The following TRABD2B variants were observed in gnomAD, a reference collection of about 807,000 sequenced individuals.
TRABD2B encodes the protein TraB domain containing 2B, also known as metalloprotease TIKI2.
TRABD2B carries 14 observed loss-of-function variants against 40.1 expected under a neutral mutation model. The observed-to-expected ratio is 0.35, with a 90% CI of 0.23 to 0.55. The LOEUF (loss-of-function observed/expected upper bound fraction) is 0.55, where lower values mean the gene tolerates loss of function less well. Ranked by LOEUF, TRABD2B falls within the 20% of genes least tolerant of loss-of-function variation. TRABD2B has a pLI of 0.90. For missense variants in TRABD2B, 541 were observed against 648.6 expected, an observed-to-expected ratio of 0.83 and a Z score of 1.80; for synonymous variants, 263 against 277.0, an observed-to-expected ratio of 0.95 and a Z score of 0.50.
intron 2 of TRABD2B, among the ~76,000 whole-genome samples, chr1:47,810,734 G>A (rs969585532): frequency 2.6e-5 from 4 of 152,210 alleles, no homozygotes; most frequent in Non-Finnish European, 5.9e-5. Flanking sequence ...AGTAGCTGCA[G>A]GGGGAAGCTT....
At chr1:47,797,673 A>G (rs1297166242) in intron 3 of TRABD2B, among the ~76,000 whole-genome samples, 1 of 152,066 alleles carries the variant, frequency 6.6e-6, no homozygotes, top group African/African-American at 2.4e-5. Flanking sequence ...CATTCTCTGC[A>G]TGTTTCATGC....
intron 4 of TRABD2B, among the ~76,000 whole-genome samples, chr1:47,787,898 A>T (rs1644618650): frequency 6.6e-6 from 1 of 152,284 alleles, no homozygotes; most frequent in East Asian, 1.9e-4. Context: ...CTGGAGGCCT[A>T]TGGGAGCCCA....
At position 47,801,549 on chromosome 1, in the gene TRABD2B, T is replaced by C. The variant is rs182463002; in HGVS notation, c.737A>G (p.Tyr246Cys). The C allele has an allele frequency of 1.1e-5, 17 of 1,536,008 alleles. No individual in the cohort carries two copies. The East Asian group carries it at 2.0e-4, about 18-fold the overall frequency. ...GTGCTTGATGAGGTCCTCCGTGGTGTAGGAGGCCTGCAGGCTCCCGGCCCG... is the reference window on the plus strand; with the variant it reads ...GTGCTTGATGAGGTCCTCCGTGGTGCAGGAGGCCTGCAGGCTCCCGGCCCG... Reference protein sequence around the residue: ...SVRAGSLQASYTTEDLIKHYN... With the variant: ...SVRAGSLQASCTTEDLIKHYN... Residue 246 changes from tyrosine to cysteine, a missense_variant, in exon 3 of 7, where the codon TAC becomes TGC. Coordinates refer to ENST00000606738, the MANE Select transcript of TRABD2B (RefSeq NM_001194986.2).
At chr1:47,801,736 G>GA in intron 2 of TRABD2B, 117 bp from the exon 3 acceptor site, 5 of 1,290,766 alleles carry the variant, frequency 3.9e-6, no homozygotes, top group Non-Finnish European at 5.2e-6. Flanking sequence ...GAGAAGGTGT[G>GA]TGGGGCTGGC....
At chr1:47,865,269 A>G (rs1414374153) in intron 2 of TRABD2B, among the ~76,000 whole-genome samples, 1 of 152,038 alleles carries the variant, frequency 6.6e-6, no homozygotes, top group Non-Finnish European at 1.5e-5. Context: ...AGGAGCAGGA[A>G]ACAAGGCCTC....
chr1:47,838,723 G>C (rs1184780996), intron 2 of TRABD2B, among the ~76,000 whole-genome samples: 1 of 152,232 alleles, frequency 6.6e-6, no homozygotes, highest in Non-Finnish European at 1.5e-5. Context: ...GACTGATGCA[G>C]TCACATGGCT....
intron 2 of TRABD2B, among the ~76,000 whole-genome samples, chr1:47,962,755 T>C (rs1190314088): frequency 2.6e-5 from 4 of 152,112 alleles, no homozygotes; most frequent in Non-Finnish European, 5.9e-5. Flanking sequence ...AGCTGCAGAG[T>C]GTATGCTCTA....
chr1:47,856,650 G>C (rs961533532), intron 2 of TRABD2B, among the ~76,000 whole-genome samples: 2 of 152,140 alleles, frequency 1.3e-5, no homozygotes, highest in African/African-American at 4.8e-5. Context: ...CTCCAACCAT[G>C]CACCCACCCT....
chr1:47,794,789 AG>A (rs1644724531), intron 3 of TRABD2B, 29 bp from the exon 4 acceptor site: 60 of 982,708 alleles, frequency 6.1e-5, no homozygotes, highest in Non-Finnish European at 7.1e-5. Flanking sequence ...GGCTGCCTTC[AG>A]TTTTTTTTTT....
intron 2 of TRABD2B, among the ~76,000 whole-genome samples, chr1:47,914,874 G>C (rs930720567): frequency 2.6e-5 from 4 of 152,324 alleles, no homozygotes; most frequent in South Asian, 4.1e-4. Flanking sequence ...CTGAATGCTG[G>C]GGGGGCAAGG....
At chr1:47,941,068 A>T (rs551532352) in intron 2 of TRABD2B, among the ~76,000 whole-genome samples, 7 of 152,108 alleles carry the variant, frequency 4.6e-5, no homozygotes, top group African/African-American at 1.7e-4. Context: ...GCCTTCCCAG[A>T]CTTACCCCTC....
intron 2 of TRABD2B, among the ~76,000 whole-genome samples, chr1:47,983,519 A>G (rs556249226): frequency 6.6e-6 from 1 of 152,254 alleles, no homozygotes; most frequent in Admixed American, 6.5e-5. Flanking sequence ...GTCAAGCACA[A>G]TGACCAAGCA....
intron 6 of TRABD2B, among the ~76,000 whole-genome samples, chr1:47,771,945 C>T (rs973422546): frequency 1.3e-5 from 2 of 152,186 alleles, no homozygotes; most frequent in African/African-American, 2.4e-5. Context: ...TTCTCACACT[C>T]GCTCCCAGCC....
At chr1:47,926,624 C>T (rs559509200) in intron 2 of TRABD2B, among the ~76,000 whole-genome samples, 3 of 152,256 alleles carry the variant, frequency 2.0e-5, no homozygotes, top group Admixed American at 6.5e-5. Flanking sequence ...GCGGCAGGCC[C>T]TCTTCCTGTT....
intron 4 of TRABD2B, among the ~76,000 whole-genome samples, chr1:47,787,119 T>C (rs1003510794): frequency 6.6e-6 from 1 of 152,114 alleles, no homozygotes; most frequent in African/African-American, 2.4e-5. Flanking sequence ...AGAACCATGA[T>C]GGGGAAGGAG....
chr1:47,948,057 A>G (rs1645284640), intron 2 of TRABD2B, among the ~76,000 whole-genome samples: 2 of 152,328 alleles, frequency 1.3e-5, no homozygotes, highest in East Asian at 3.9e-4. Flanking sequence ...CTGTGGCAAC[A>G]AAAATTCTGG....
chr1:47,960,595 T>A (rs1252621784), intron 2 of TRABD2B, among the ~76,000 whole-genome samples: 1 of 152,026 alleles, frequency 6.6e-6, no homozygotes, highest in Admixed American at 6.5e-5. Context: ...AAATCATGAG[T>A]CAACTCCTAT....
Position 47,994,708 on chromosome 1 carries a change from A to C in TRABD2B, c.103-111T>G. ...GGTGGGGATGGGAGGCAGAGACCAT[A>C]CACAGGCCGTGGTAAAGAGCCAGGT... is the stretch of plus-strand genomic sequence containing the variant. On this transcript the variant is annotated intron_variant, in intron 1 of 6. Coordinates refer to ENST00000606738, the MANE Select transcript of TRABD2B (RefSeq NM_001194986.2). The surrounding 1 kb of genome is among the most constrained non-coding windows in gnomAD (Gnocchi z 6.7). 1.0e-6 allele frequency: 1 copy of C among 962,332 alleles called. No homozygotes were observed. The highest frequency in any genetic ancestry group is 1.5e-6 in the Non-Finnish European group (1 of 663,666). The allele number at this position is 962,332 out of a possible 1,614,324, so 59.6% of individuals were successfully genotyped here.
intron 2 of TRABD2B, among the ~76,000 whole-genome samples, chr1:47,851,653 G>A (rs1189037228): frequency 2.0e-5 from 3 of 152,198 alleles, no homozygotes; most frequent in Non-Finnish European, 4.4e-5. Flanking sequence ...GATATTCAGT[G>A]TCCCAAGCCA....
Sources: gnomAD v4.1 joint callset for allele counts (sites outside exome capture counted in the v4.1 genomes callset) on GRCh38, gnomAD v4.1.1 for gene constraint, Gnocchi (gnomAD v3.1) non-coding constraint, MANE v1.5 for transcripts, NCBI Gene and HGNC (gene_info 2026-07-23, HGNC 2026-07-21) for gene names.